The following PDE4A variants were observed in gnomAD, a reference collection of about 807,000 sequenced individuals.
PDE4A encodes the protein phosphodiesterase 4A.
A neutral mutation model predicts 73.9 loss-of-function variants in PDE4A; 21 were observed. The ratio of observed to expected loss-of-function variants is 0.28; its 90% confidence interval spans 0.20 to 0.41. The LOEUF (loss-of-function observed/expected upper bound fraction) is 0.41, where lower values mean the gene tolerates loss of function less well. Ranked by LOEUF, PDE4A falls within the 10% of genes least tolerant of loss-of-function variation. PDE4A has a pLI of 1.00. For synonymous variants in PDE4A, 463 were observed against 505.4 expected, an observed-to-expected ratio of 0.92 and a Z score of 1.13; for missense variants, 958 against 1,211.4, an observed-to-expected ratio of 0.79 and a Z score of 3.10.
chr19:10,459,711 T>C lies in PDE4A; in HGVS notation c.1317T>C (p.Ala439=), dbSNP rs188830071. Residue 439 remains alanine (A), a synonymous_variant, in exon 10 of 15, where the codon GCT becomes GCC. Transcript: ENST00000380702. ...CCTACCATAACAGCCTGCACGCAGCTGACGTGCTGCAGTCCACCCACGTAC... is the reference window on the plus strand; with the variant it reads ...CCTACCATAACAGCCTGCACGCAGCCGACGTGCTGCAGTCCACCCACGTAC... ...DVAYHNSLHA[A]DVLQSTHVLL... is the part of the protein sequence containing the mutation. The C allele has an allele frequency of 3.0e-5, 49 of 1,614,144 alleles. No individual in the cohort carries two copies. In the East Asian group the frequency reaches 3.1e-4, roughly 10 times the overall value.
chr19:10,454,861 C>A lies in PDE4A; in HGVS notation c.816C>A (p.His272Gln), dbSNP rs149159162. Reference sequence around the variant, plus strand: ...GGATGTTGAACCGTGAGCTCACACACCTGTCAGAAATGAGCAGGTCCGGAA... The same window carrying A: ...GGATGTTGAACCGTGAGCTCACACAACTGTCAGAAATGAGCAGGTCCGGAA... ...FKRMLNRELT[H>Q]LSEMSRSGNQ... The change falls in exon 7 of 15, where the codon CAC (histidine) becomes CAA (glutamine). Residue 272 changes from histidine (H) to glutamine (Q), a missense_variant. Physicochemically the swap from His to Gln is conservative, Grantham distance 24 (BLOSUM62 0). Around this residue, in one of 3 missense-constraint regions of PDE4A, gnomAD observed 570 missense variants for 827.7 expected, o/e 0.69. Transcript: ENST00000380702. The A allele has an allele frequency of 1.9e-6, 3 of 1,614,030 alleles. No homozygotes were observed. In the African/African-American group the frequency reaches 4.0e-5, roughly 22 times the overall value.
intron 1 of PDE4A, among the ~76,000 whole-genome samples, chr19:10,434,545 G>A (rs913870982): frequency 6.6e-6 from 1 of 151,178 alleles, no homozygotes; most frequent in African/African-American, 2.4e-5. Context: ...ATTAATGCAT[G>A]TTACAGTATA....
At chr19:10,446,086 C>A (rs954087746) in intron 1 of PDE4A, 132 bp from the exon 2 acceptor site, 4 of 1,369,768 alleles carry the variant, frequency 2.9e-6, no homozygotes, top group Admixed American at 2.8e-5. Flanking sequence ...GATTCACCCC[C>A]ACTTGGCCTC....
At chr19:10,434,034 C>T (rs1470492882) in intron 1 of PDE4A, among the ~76,000 whole-genome samples, 1 of 152,092 alleles carries the variant, frequency 6.6e-6, no homozygotes, top group African/African-American at 2.4e-5. Context: ...AGTTTGAGAC[C>T]AGCCTGGGCA....
At chr19:10,449,273 C>T in intron 4 of PDE4A, 123 bp downstream of exon 4, 1 of 1,012,340 alleles carries the variant, frequency 9.9e-7, no homozygotes. Context: ...GTTCAGACAA[C>T]AGCTCCCAGA....
In PDE4A at chr19:10,467,478, C is replaced by T. The variant is rs1444737966; in HGVS notation, c.2518C>T (p.Pro840Ser). Residue 840 changes from proline to serine, a missense_variant, in exon 15 of 15, where the codon CCC becomes TCC. Around this residue, in one of 3 missense-constraint regions of PDE4A, gnomAD observed 243 missense variants for 245.9 expected, o/e 0.99. Coordinates refer to ENST00000380702, the MANE Select transcript of PDE4A (RefSeq NM_001111307.2). ...SEHAPGLPGL[P>S]STAAEVEAQR... is the part of the protein sequence containing the mutation. ...GCATGCCCCGGGCCTCCCGGGCCTC[C>T]CCTCCACGGCGGCCGAGGTGGAGGC... is the stretch of plus-strand genomic sequence containing the variant. 1.2e-6 allele frequency: 2 copies of T among 1,613,102 alleles called. No individual in the cohort carries two copies. Among genetic ancestry groups the T allele is most frequent in the Non-Finnish European group, 1.7e-6 (2 of 1,179,822 alleles).
chr19:10,450,610 C>T lies in PDE4A; in HGVS notation c.628C>T (p.Pro210Ser), dbSNP rs1424498009. 6.2e-7 allele frequency: 1 copy of T among 1,608,910 alleles called. No homozygotes were observed. The highest frequency in any genetic ancestry group is 2.2e-5 in the East Asian group (1 of 44,786). The change falls in exon 5 of 15, where the codon CCG becomes TCG. Residue 210 changes from proline to serine, a missense_variant. Pro to Ser is a moderately conservative substitution (Grantham distance 74). Transcript: ENST00000380702. ...NVPVPSNKRS[P>S]LGGPTPVCKA... Reference sequence around the variant, plus strand: ...ATTTTTTTTTTTCTGCAGGCGGTCCCCGCTGGGCGGCCCCACCCCTGTCTG... The same window carrying T: ...ATTTTTTTTTTTCTGCAGGCGGTCCTCGCTGGGCGGCCCCACCCCTGTCTG...
At position 10,420,684 on chromosome 19, in the gene PDE4A, G is replaced by T; in HGVS notation, c.-81G>T. 7.2e-7 allele frequency: 1 copy of T among 1,384,072 alleles called. No homozygotes were observed. Among genetic ancestry groups the T allele is most frequent in the Non-Finnish European group, 9.3e-7 (1 of 1,078,950 alleles). 85.7% of individuals were successfully genotyped at this position (1,384,072 alleles called of 1,614,324 possible). A position where few individuals can be genotyped will look rare whatever the true frequency, so the allele number is the denominator to read the frequency against. ...GCCGGGCGCACCCGCGGGGCCCTGG[G>T]CTCGCTGGCTTGCGCGCAGCTGAGC... On this transcript the variant is annotated 5_prime_UTR_variant, in exon 1 of 15. Transcript: ENST00000380702. The surrounding 1 kb of genome is among the most constrained non-coding windows in gnomAD (Gnocchi z 6.0).
At chr19:10,446,514 C>A in intron 2 of PDE4A, 105 bp downstream of exon 2, 4 of 1,355,276 alleles carry the variant, frequency 3.0e-6, no homozygotes, top group Non-Finnish European at 4.0e-6. Flanking sequence ...TCCTCCTCAG[C>A]ACTCCCAACC....
chr19:10,457,901 C>G lies in PDE4A; in HGVS notation c.900C>G (p.Ile300Met), dbSNP rs775940833. 26 of 1,612,220 alleles carry G rather than the reference C, an allele frequency of 1.6e-5. No individual in the cohort carries two copies. In the East Asian group the frequency reaches 5.8e-4, roughly 36 times the overall value. The change falls in exon 8 of 15, where the codon ATC becomes ATG. Residue 300 changes from isoleucine to methionine, a missense_variant. Physicochemically the swap from Ile to Met is conservative, Grantham distance 10 (BLOSUM62 1). This residue lies in a region of PDE4A where 570 missense variants were observed against 827.7 expected (regional missense o/e 0.69). Transcript: ENST00000380702. ...TFLDKQNEVE[I>M]PSPTMKEREK... ...CAGACAAACAGAATGAAGTGGAGAT[C>G]CCATCACCCACGATGAAGGAACGAG...
intron 13 of PDE4A, 151 bp from the exon 14 acceptor site, chr19:10,463,642 C>T (rs553212504): frequency 2.4e-5 from 33 of 1,372,264 alleles, no homozygotes; most frequent in Admixed American, 1.5e-4. Flanking sequence ...ACCTCATGAT[C>T]CACCCGCCTC....
rs778036457 is a variant in PDE4A at position 10,467,283 on chromosome 19, GAGGCAGTGT to G, written c.2325_2333del (p.Glu775_Tyr778delinsAsp). The G allele has an allele frequency of 3.1e-6, 5 of 1,614,088 alleles. No homozygotes were observed. The highest frequency in any genetic ancestry group is 8.5e-7 in the Non-Finnish European group (1 of 1,180,038). ...GGAAGCATCCCTGGAGGCCGAGCTGGAGGCAGTGTATTTGACACAGCAGGCACAGTCCAC... is the reference window on the plus strand; with the variant it reads ...GGAAGCATCCCTGGAGGCCGAGCTGGATTTGACACAGCAGGCACAGTCCAC... On this transcript the variant is annotated inframe_deletion, in exon 15 of 15. Coordinates refer to ENST00000380702, the MANE Select transcript of PDE4A (RefSeq NM_001111307.2).
chr19:10,461,759 C>T, intron 12 of PDE4A, 79 bp downstream of exon 12: 1 of 1,580,290 alleles, frequency 6.3e-7, no homozygotes, highest in African/African-American at 1.5e-5. Flanking sequence ...GGTCTGAGTC[C>T]CAGAGGAACC....
intron 2 of PDE4A, among the ~76,000 whole-genome samples, chr19:10,448,250 T>C (rs141375106): frequency 7.2e-5 from 11 of 151,756 alleles, no homozygotes; most frequent in African/African-American, 2.7e-4. Flanking sequence ...CAGGCGTGCG[T>C]CACCACACCC....
chr19:10,463,395 C>CT lies in PDE4A; in HGVS notation c.1744-376dup, dbSNP rs35214617. Among the ~76,000 whole-genome samples the CT allele has an allele frequency of 3.8e-3, 382 of 100,366 alleles. 3 individuals are homozygous for CT. The highest frequency in any genetic ancestry group is 7.2e-3 in the East Asian group (23 of 3,200). The allele number at this position is 100,366 out of a possible 152,430, so 65.8% of individuals were successfully genotyped here. A position where few individuals can be genotyped will look rare whatever the true frequency, so the allele number is the denominator to read the frequency against. On this transcript the variant is annotated intron_variant, in intron 13 of 14. Transcript: ENST00000380702. ...GTGAGCCACCGCGCCCAGCCCCATT[C>CT]TTTTTTTTTTTTTTTTTTTTTTCTG...
chr19:10,465,683 C>CTTTTTTTTTTTTTTGTTTTTTT (rs2043355445), intron 14 of PDE4A, among the ~76,000 whole-genome samples: 1 of 48,366 alleles, frequency 2.1e-5, no homozygotes, highest in Non-Finnish European at 3.7e-5. Flanking sequence ...GTGGCTTTAG[C>CTTTTTTTTTTTTTTGTTTTTTT]TTTTTTTTTT....
intron 2 of PDE4A, 149 bp from the exon 3 acceptor site, chr19:10,448,768 C>T (rs2043048810): frequency 5.5e-6 from 8 of 1,447,934 alleles, no homozygotes; most frequent in South Asian, 4.3e-5. Flanking sequence ...GACACATATC[C>T]ACCCTTATGC....
At chr19:10,461,458 G>A in intron 11 of PDE4A, 68 bp from the exon 12 acceptor site, 1 of 1,582,986 alleles carries the variant, frequency 6.3e-7, no homozygotes, top group Admixed American at 1.7e-5. Context: ...AGTTGGGGGC[G>A]GAGCTGGCCC....
Position 10,453,191 on chromosome 19 carries a change from G to C in PDE4A, c.784-1638G>C. 6.6e-7 allele frequency: 1 copy of C among 1,517,552 alleles called. No individual in the cohort carries two copies. The highest frequency in any genetic ancestry group is 8.8e-7 in the Non-Finnish European group (1 of 1,130,218). The allele number at this position is 1,517,552 out of a possible 1,614,324, so 94.0% of individuals were successfully genotyped here. The stretch of plus-strand genomic sequence containing the variant: ...CCACCTGCCCGGCACCCCCTCCCCA[G>C]TGGTTGTTAACCCCGGGACTCCCCA... On this transcript the variant is annotated intron_variant, in intron 6 of 14. Transcript: ENST00000380702. The surrounding 1 kb of genome is among the most constrained non-coding windows in gnomAD (Gnocchi z 4.6).
Sources: allele counts gnomAD v4.1 joint callset (sites outside exome capture counted in the v4.1 genomes callset), GRCh38; gene constraint gnomAD v4.1.1; regional missense constraint gnomAD v4.1.1; non-coding constraint Gnocchi (gnomAD v3.1); transcripts MANE v1.5; gene names NCBI Gene and HGNC (gene_info 2026-07-23, HGNC 2026-07-21).